Variants in MTUS2 observed in about 807,000 individuals in gnomAD.
MTUS2 encodes the protein microtubule associated scaffold protein 2, also known as microtubule-associated tumor suppressor candidate 2.
In MTUS2, 40 loss-of-function variants were observed where a neutral mutation model predicts 114.1. The ratio of observed to expected loss-of-function variants is 0.35; its 90% CI spans 0.27 to 0.46. The LOEUF is 0.46. MTUS2 is among the 20% of genes least tolerant of loss of function. The pLI is 1.00. For synonymous variants in MTUS2, 688 were observed against 672.0 expected (o/e 1.02, Z -0.37); for missense variants, 1,679 against 1,705.4 (o/e 0.98, Z 0.27).
chr13:29,047,575 G>A (rs563507231), intron 4 of MTUS2, among the ~76,000 whole-genome samples: 13 of 149,262 alleles, frequency 8.7e-5, no homozygotes, highest in Middle Eastern at 3.4e-3. Context: ...GTGCAGTGGC[G>A]CAATCTCGGC....
At chr13:29,205,504 C>T (rs1222108864) in intron 5 of MTUS2, among the ~76,000 whole-genome samples, 1 of 152,104 alleles carries the variant, frequency 6.6e-6, no homozygotes, top group Non-Finnish European at 1.5e-5. Flanking sequence ...TTGGTGCACC[C>T]TTTACCCAAG....
intron 4 of MTUS2, among the ~76,000 whole-genome samples, chr13:29,064,073 CT>C (rs1318530566): frequency 2.6e-5 from 4 of 152,114 alleles, no homozygotes. Context: ...GCACAGAGCA[CT>C]GGGATGTGTT....
At chr13:28,979,203 TA>T (rs1242192812) in intron 2 of MTUS2, among the ~76,000 whole-genome samples, 1 of 152,222 alleles carries the variant, frequency 6.6e-6, no homozygotes, top group Non-Finnish European at 1.5e-5. Flanking sequence ...GTTGAGGACT[TA>T]AACAAAACTC....
chr13:28,939,012 T>C (rs1450493396), intron 2 of MTUS2, among the ~76,000 whole-genome samples: 1 of 152,238 alleles, frequency 6.6e-6, no homozygotes, highest in Non-Finnish European at 1.5e-5. Flanking sequence ...TTCTAGACTT[T>C]TCAGGAATTA....
chr13:29,087,160 G>A (rs542285993), intron 4 of MTUS2, among the ~76,000 whole-genome samples: 1 of 152,284 alleles, frequency 6.6e-6, no homozygotes, highest in East Asian at 1.9e-4. Context: ...TGGTGAGAGT[G>A]GACATCCTTA....
Position 29,503,298 on chromosome 13 carries a change from G to C in MTUS2, c.*92G>C. 1.4e-6 allele frequency: 2 copies of C among 1,424,920 alleles called. No individual in the cohort carries two copies. Among genetic ancestry groups the C allele is most frequent in the South Asian group, 2.4e-5 (2 of 84,192 alleles). The allele number at this position is 1,424,920 out of a possible 1,614,324, so 88.3% of individuals were successfully genotyped here. Reference sequence around the variant, plus strand: ...ACCCGGTGCCGCCGGAGCTGGCCCTGTGCGCATGCTCAGTAGCTGCGAATG... The same window carrying C: ...ACCCGGTGCCGCCGGAGCTGGCCCTCTGCGCATGCTCAGTAGCTGCGAATG... On this transcript the variant is annotated 3_prime_UTR_variant, in exon 16 of 16. Coordinates refer to ENST00000612955, the MANE Select transcript of MTUS2 (RefSeq NM_001033602.4).
At chr13:28,825,145 T>G (rs1166975704) in intron 1 of MTUS2, among the ~76,000 whole-genome samples, 1 of 152,148 alleles carries the variant, frequency 6.6e-6, no homozygotes, top group East Asian at 1.9e-4. Flanking sequence ...CTGGTGTTGT[T>G]CTTGGGGCCT....
chr13:29,121,440 C>T (rs539623068), intron 5 of MTUS2, among the ~76,000 whole-genome samples: 2,918 of 148,182 alleles, frequency 0.02, 99 homozygotes, highest in African/African-American at 0.068. Flanking sequence ...ATGAAATACA[C>T]ACACACACAC....
At chr13:28,959,840 C>T (rs974432455) in intron 2 of MTUS2, among the ~76,000 whole-genome samples, 3 of 152,202 alleles carry the variant, frequency 2.0e-5, no homozygotes, top group Non-Finnish European at 2.9e-5. Flanking sequence ...GGGGACAAAA[C>T]GTCCAAACCG....
At chr13:29,028,359 G>A (rs948936060) in intron 3 of MTUS2, among the ~76,000 whole-genome samples, 5 of 152,138 alleles carry the variant, frequency 3.3e-5, no homozygotes, top group African/African-American at 1.2e-4. Flanking sequence ...CAAAAACAAG[G>A]GCAGGATGAG....
chr13:28,902,786 ATTATC>A (rs1879722793), intron 2 of MTUS2, among the ~76,000 whole-genome samples: 1 of 152,024 alleles, frequency 6.6e-6, no homozygotes, highest in South Asian at 2.1e-4. Context: ...TGTCTTTTGT[ATTATC>A]TTTGTCTGGT....
At position 28,829,190 on chromosome 13, in the gene MTUS2, T is replaced by C. The variant is rs1344703499; in HGVS notation, c.-316+8579T>C. The stretch of plus-strand genomic sequence containing the variant: ...AACTTTGTCATTTTTAAACTTACCT[T>C]ATTCCCATTCCTTCATCCGCAGCTC... On this transcript the variant is annotated intron_variant, in intron 1 of 15. Transcript: ENST00000612955. Among the ~76,000 whole-genome samples the C allele has an allele frequency of 7.2e-5, 11 of 152,158 alleles. 1 individual carries two copies. Among genetic ancestry groups the C allele is most frequent in the Admixed American group, 6.5e-4 (10 of 15,270 alleles).
chr13:29,043,661 T>A (rs1476364219), intron 4 of MTUS2, among the ~76,000 whole-genome samples: 2 of 151,816 alleles, frequency 1.3e-5, no homozygotes, highest in Non-Finnish European at 2.9e-5. Context: ...GGTTGTGATA[T>A]TTTCCTGTTG....
intron 6 of MTUS2, among the ~76,000 whole-genome samples, chr13:29,298,551 T>C (rs920567001): frequency 6.6e-6 from 1 of 152,198 alleles, no homozygotes; most frequent in Non-Finnish European, 1.5e-5. Flanking sequence ...ATGTTCTCCC[T>C]GCCTTCGTCC....
rs763511824 is a variant in MTUS2, at chr13:29,212,911, G to T, written c.2645-68793G>T. Reference sequence around the variant, plus strand: ...AATCTCCAGCGCCAGAGGAAGGGGAGAGAGGGAGCTGAAAGTTCCAAGCTT... The same window carrying T: ...AATCTCCAGCGCCAGAGGAAGGGGATAGAGGGAGCTGAAAGTTCCAAGCTT... On this transcript the variant is annotated intron_variant, in intron 5 of 15. Transcript: ENST00000612955. 3.5e-4 allele frequency among the ~76,000 whole-genome samples: 53 copies of T among 152,282 alleles called. 1 individual carries two copies. Among genetic ancestry groups the T allele is most frequent in the Admixed American group, 1.1e-3 (17 of 15,302 alleles).
chr13:28,906,495 C>T (rs1243206080), intron 2 of MTUS2, among the ~76,000 whole-genome samples: 1 of 151,394 alleles, frequency 6.6e-6, no homozygotes, highest in Non-Finnish European at 1.5e-5. Context: ...TTTATTTCTG[C>T]CTTCATTTCG....
intron 4 of MTUS2, among the ~76,000 whole-genome samples, chr13:29,040,407 C>T (rs913791328): frequency 1.2e-4 from 19 of 152,176 alleles, no homozygotes; most frequent in Admixed American, 3.3e-4. Flanking sequence ...TTTGCAATTG[C>T]GAATTCTGCT....
rs59907354 is a variant in MTUS2 at position 29,151,247 on chromosome 13, A to T, written c.2644+50277A>T. Among the ~76,000 whole-genome samples, 1,217 of 151,860 alleles carry T rather than the reference A, an allele frequency of 8.0e-3. 12 individuals carry two copies. The highest frequency in any genetic ancestry group is 0.027 in the African/African-American group (1,138 of 41,420). The stretch of plus-strand genomic sequence containing the variant: ...AGTGTTTTGTAGTCTCCTTTTAGAG[A>T]TCTTTTATCTCCTTGGTTAAATATA... On this transcript the variant is annotated intron_variant, in intron 5 of 15. Transcript: ENST00000612955.
At chr13:29,381,384 G>A (rs1019617144) in intron 8 of MTUS2, among the ~76,000 whole-genome samples, 1 of 152,186 alleles carries the variant, frequency 6.6e-6, no homozygotes, top group African/African-American at 2.4e-5. Flanking sequence ...CGTAGTTACA[G>A]TATAGAAAAT....
Sources: gnomAD v4.1 joint callset for allele counts (sites outside exome capture counted in the v4.1 genomes callset) on GRCh38, gnomAD v4.1.1 for gene constraint, MANE v1.5 for transcripts, NCBI Gene and HGNC (gene_info 2026-07-23, HGNC 2026-07-21) for gene names.